SLC16A5: variants seen among roughly 807,000 people sequenced by gnomAD.
The protein encoded by SLC16A5 is solute carrier family 16 member 5.
SLC16A5 carries 29 observed loss-of-function variants against 33.2 expected under a neutral mutation model. The ratio of observed to expected loss-of-function variants is 0.87; its 90% CI spans 0.65 to 1.19. SLC16A5 has a LOEUF of 1.19. SLC16A5 is among the 50% of genes most tolerant of loss of function. The pLI, the probability that SLC16A5 is intolerant of heterozygous loss-of-function variation, is 0.00. For missense variants in SLC16A5, 606 were observed against 678.2 expected (o/e 0.89, Z 1.18); for synonymous variants, 248 against 284.1 (o/e 0.87, Z 1.28).
At chr17:75,098,300 C>T in intron 4 of SLC16A5, 119 bp downstream of exon 4, 2 of 1,335,680 alleles carry the variant, frequency 1.5e-6, no homozygotes, top group Admixed American at 4.2e-5. Flanking sequence ...CGGTGGCTCA[C>T]ACCTGTTATC....
chr17:75,093,636 G>A lies in SLC16A5; in HGVS notation c.-1G>A, dbSNP rs148330714. ...GGCCGTGGCAGCGTCGGCAGCAGAG[G>A]ATGCCCCAGGCCCTGGAGCGTGCAG... On this transcript the variant is annotated 5_prime_UTR_variant, in exon 3 of 7. Transcript: ENST00000329783. The A allele has an allele frequency of 3.1e-6, 5 of 1,608,394 alleles. No individual in the cohort carries two copies. The highest frequency in any genetic ancestry group is 4.2e-6 in the Non-Finnish European group (5 of 1,178,590).
Position 75,100,320 on chromosome 17 carries a change from C to T in SLC16A5, c.657C>T (p.Cys219=), listed in dbSNP as rs775097927. Residue 219 remains cysteine, a synonymous_variant, in exon 5 of 7, where the codon TGC becomes TGT. Transcript: ENST00000329783. The part of the protein sequence containing the change: ...ETPALGCLAA[C]GRTIQRHLAF... ...CTGCACTTGGCTGCCTGGCTGCATG[C>T]GGCCGGACCATCCAGCGCCACCTGG... is the stretch of plus-strand genomic sequence containing the variant. 10 of 1,614,064 alleles carry T rather than the reference C, an allele frequency of 6.2e-6. No individual in the cohort carries two copies. In the East Asian group the frequency reaches 8.9e-5, roughly 14 times the overall value.
chr17:75,105,824 G>T, intron 6 of SLC16A5, 56 bp from the exon 7 acceptor site: 1 of 1,493,638 alleles, frequency 6.7e-7, no homozygotes, highest in Non-Finnish European at 9.0e-7. Flanking sequence ...TGTTGATTCA[G>T]GCTCAACCAG....
chr17:75,089,481 G>C (rs1465347588), intron 2 of SLC16A5, among the ~76,000 whole-genome samples, 177 bp downstream of exon 2: 1 of 152,074 alleles, frequency 6.6e-6, no homozygotes, highest in Non-Finnish European at 1.5e-5. Context: ...CAGGCCAGGT[G>C]CGGTGTCTCA....
At chr17:75,094,495 T>A (rs1002595620) in intron 3 of SLC16A5, among the ~76,000 whole-genome samples, 2 of 152,128 alleles carry the variant, frequency 1.3e-5, no homozygotes, top group African/African-American at 4.8e-5. Flanking sequence ...GAGACCAGCC[T>A]GACCAACATG....
downstream of SLC16A5, among the ~76,000 whole-genome samples, chr17:75,106,979 A>G (rs2073868831): frequency 6.6e-6 from 1 of 152,068 alleles, no homozygotes; most frequent in African/African-American, 2.4e-5. Flanking sequence ...AGCCTGGGCA[A>G]CATAGAGACC....
intron 5 of SLC16A5, among the ~76,000 whole-genome samples, chr17:75,103,104 T>C (rs561835967): frequency 4.0e-4 from 61 of 152,328 alleles, no homozygotes; most frequent in African/African-American, 1.4e-3. Context: ...TTGGCCAGGC[T>C]GTTCTCGAAC....
At chr17:75,105,803 A>G in intron 6 of SLC16A5, 77 bp from the exon 7 acceptor site, 1 of 1,465,782 alleles carries the variant, frequency 6.8e-7, no homozygotes, top group Non-Finnish European at 9.1e-7. Flanking sequence ...GCTCAGGTTC[A>G]GGATGTTGTT....
intron 3 of SLC16A5, among the ~76,000 whole-genome samples, 199 bp from the exon 4 acceptor site, chr17:75,097,839 A>T (rs1175911564): frequency 1.3e-5 from 2 of 152,144 alleles, no homozygotes; most frequent in East Asian, 1.9e-4. Context: ...GTAGGGGAAA[A>T]AATTGAGGCA....
At chr17:75,090,761 G>A (rs2073627565) in intron 2 of SLC16A5, among the ~76,000 whole-genome samples, 1 of 152,042 alleles carries the variant, frequency 6.6e-6, no homozygotes, top group African/African-American at 2.4e-5. Flanking sequence ...ACCCGGCCTG[G>A]CAGCAGAGCT....
At chr17:75,107,646 T>C (rs1568011547), downstream of SLC16A5, among the ~76,000 whole-genome samples, 1 of 151,042 alleles carries the variant, frequency 6.6e-6, no homozygotes, top group African/African-American at 2.4e-5. Flanking sequence ...CTGCTAAAAA[T>C]ACAAAAATTA....
chr17:75,108,480 C>T (rs2073879759), downstream of SLC16A5, among the ~76,000 whole-genome samples: 1 of 152,190 alleles, frequency 6.6e-6, no homozygotes, highest in Non-Finnish European at 1.5e-5. Context: ...GAGGTGAGGC[C>T]TGCTTCCAAT....
chr17:75,097,823 C>T (rs8064823), intron 3 of SLC16A5, among the ~76,000 whole-genome samples: 62,255 of 151,996 alleles, frequency 0.41, 13,401 homozygotes, highest in African/African-American at 0.53. Flanking sequence ...TCTGAATCCT[C>T]ACTTTGTAGG....
intron 3 of SLC16A5, among the ~76,000 whole-genome samples, chr17:75,096,841 C>CTTTT (rs71361652): frequency 3.7e-4 from 24 of 65,328 alleles, no homozygotes; most frequent in African/African-American, 1.2e-3. Flanking sequence ...CACTCCATCA[C>CTTTT]TTTTTTTTTT....
downstream of SLC16A5, chr17:75,110,081 T>C (rs2073896480): frequency 1.7e-6 from 1 of 573,004 alleles, no homozygotes; most frequent in African/African-American, 1.9e-5. Context: ...ACGCAACTCC[T>C]ACAGGATTCT....
At chr17:75,088,977 A>G (rs1398974672) in intron 1 of SLC16A5, 174 bp from the exon 2 acceptor site, 1 of 152,206 alleles carries the variant, frequency 6.6e-6, no homozygotes, top group East Asian at 1.9e-4. Context: ...GCTTCATGGC[A>G]CTGTGCTACA....
intron 4 of SLC16A5, among the ~76,000 whole-genome samples, chr17:75,099,314 A>C (rs966274636): frequency 6.6e-6 from 1 of 152,154 alleles, no homozygotes; most frequent in Non-Finnish European, 1.5e-5. Context: ...CTGGAGCCGG[A>C]CCACAGAGAG....
At chr17:75,105,408 C>T in intron 6 of SLC16A5, 1 of 985,452 alleles carries the variant, frequency 1.0e-6, no homozygotes, top group South Asian at 4.7e-5. Flanking sequence ...GCTGCTTTTG[C>T]AAGGGAAGCT....
At chr17:75,101,697 C>T (rs1369665589) in intron 5 of SLC16A5, among the ~76,000 whole-genome samples, 1 of 151,586 alleles carries the variant, frequency 6.6e-6, no homozygotes, top group Non-Finnish European at 1.5e-5. Flanking sequence ...TGCAGTGGTG[C>T]AATCACAGCT....
Sources: gnomAD v4.1 joint callset for allele counts (sites outside exome capture counted in the v4.1 genomes callset) on GRCh38, gnomAD v4.1.1 for gene constraint, MANE v1.5 for transcripts, NCBI Gene and HGNC (gene_info 2026-07-23, HGNC 2026-07-21) for gene names.